Variants in OTOL1 observed in about 807,000 individuals in gnomAD.
OTOL1 encodes the protein otolin 1.
Under a neutral mutation model 25.0 loss-of-function variants are expected in OTOL1, and 31 were observed. The ratio of observed to expected loss-of-function variants is 1.24; its 90% CI spans 0.93 to 1.67. The LOEUF is 1.67. OTOL1 is among the 40% of genes most tolerant of loss of function. OTOL1 has a pLI of 0.00. For synonymous variants in OTOL1, 225 were observed against 210.3 expected (o/e 1.07, Z -0.61); for missense variants, 654 against 587.7 (o/e 1.11, Z -1.17).
intron 2 of OTOL1, among the ~76,000 whole-genome samples, chr3:161,501,119 T>C (rs1191818619): frequency 6.6e-6 from 1 of 152,222 alleles, no homozygotes; most frequent in Non-Finnish European, 1.5e-5. Context: ...AAAAATATCT[T>C]CCCTACTTTT....
At chr3:161,497,240 G>A (rs1718856991) in intron 1 of OTOL1, 69 bp downstream of exon 1, 3 of 1,521,634 alleles carry the variant, frequency 2.0e-6, no homozygotes, top group Admixed American at 2.2e-5. Flanking sequence ...AGGTTGTCGG[G>A]TGAAATTGCC....
Position 161,499,215 on chromosome 3 carries a change from G to A in OTOL1, c.409G>A (p.Gly137Arg). The stretch of plus-strand genomic sequence containing the variant: ...AAATTTGGGGATCCCAGGGCCACCA[G>A]GAGTTGTTGGGCCCCAAGGCCCTAG... ...AGNLGIPGPP[G>R]VVGPQGPRGY... The change falls in exon 2 of 4, where the codon GGA becomes AGA. Residue 137 changes from glycine (G) to arginine (R), a missense_variant. Transcript: ENST00000327928. 6.2e-7 allele frequency: 1 copy of A among 1,611,642 alleles called. No homozygotes were observed. The highest frequency in any genetic ancestry group is 8.5e-7 in the Non-Finnish European group (1 of 1,178,986).
Position 161,503,634 on chromosome 3 carries a change from GTCACT to G in OTOL1, c.1127_1131del (p.Val376GlyfsTer4). 4 of 1,613,804 alleles carry G rather than the reference GTCACT, an allele frequency of 2.5e-6. No homozygotes were observed. The East Asian group carries it at 8.9e-5, about 36-fold the overall frequency. On this transcript the variant is annotated frameshift_variant, in exon 4 of 4. Coordinates refer to ENST00000327928, the MANE Select transcript of OTOL1 (RefSeq NM_001080440.1). LOFTEE classifies it high-confidence loss of function. The stretch of plus-strand genomic sequence containing the variant: ...TAATGACCAAGGGAATTACAGTCCT[GTCACT>G]GGGAAGTTTAACTGCTCTATTCCTG...
chr3:161,503,443 A>C lies in OTOL1; in HGVS notation c.935A>C (p.Asp312Ala). 1 of 1,613,584 alleles carries C rather than the reference A, an allele frequency of 6.2e-7. No individual in the cohort carries two copies. Among genetic ancestry groups the C allele is most frequent in the Non-Finnish European group, 8.5e-7 (1 of 1,179,700 alleles). Residue 312 changes from aspartate (D) to alanine (A), a missense_variant, in exon 4 of 4, where the codon GAC (aspartate) becomes GCC (alanine). By Grantham distance (126) the Asp-to-Ala change is moderately radical (BLOSUM62 -2). Coordinates refer to ENST00000327928, the MANE Select transcript of OTOL1 (RefSeq NM_001080440.1). ...CTGGGACCTACTGGGCCGAAGGGTG[A>C]CATTGGCAACAAAGGGGTCCGAGGC... Reference protein sequence around the residue: ...GLLGPTGPKGDIGNKGVRGPT... With the variant: ...GLLGPTGPKGAIGNKGVRGPT...
chr3:161,497,249 C>T (rs1718857234), intron 1 of OTOL1, 78 bp downstream of exon 1: 1 of 1,496,398 alleles, frequency 6.7e-7, no homozygotes, highest in Non-Finnish European at 9.0e-7. Context: ...GGTGAAATTG[C>T]CCCAGGAGTT....
intron 1 of OTOL1, among the ~76,000 whole-genome samples, chr3:161,498,373 G>A (rs1021600554): frequency 1.3e-5 from 2 of 152,072 alleles, no homozygotes; most frequent in Non-Finnish European, 2.9e-5. Context: ...ATTCCAAGGT[G>A]TGCCAAGTTA....
At position 161,496,850 on chromosome 3, in the gene OTOL1, G is replaced by A. The variant is rs1718843204; in HGVS notation, c.43G>A (p.Ala15Thr). The A allele has an allele frequency of 3.1e-6, 5 of 1,599,982 alleles. No individual in the cohort carries two copies. Among genetic ancestry groups the A allele is most frequent in the Non-Finnish European group, 4.3e-6 (5 of 1,174,796 alleles). ...SWLCAILIILAIAGMNTIAKT... is the reference protein window; with the variant it reads ...SWLCAILIILTIAGMNTIAKT... The stretch of plus-strand genomic sequence containing the variant: ...GCTTTGTGCTATTTTAATTATTTTG[G>A]CTATTGCTGGTATGAACACAATAGC... The change falls in exon 1 of 4, where the codon GCT becomes ACT. Residue 15 changes from alanine to threonine, a missense_variant. Ala to Thr is a moderately conservative substitution (Grantham distance 58). Coordinates refer to ENST00000327928, the MANE Select transcript of OTOL1 (RefSeq NM_001080440.1).
chr3:161,503,200 A>G lies in OTOL1; in HGVS notation c.692A>G (p.Glu231Gly). Residue 231 changes from glutamate (E) to glycine (G), a missense_variant, in exon 4 of 4, where the codon GAG becomes GGG. By Grantham distance (98) the Glu-to-Gly change is moderately conservative. Transcript: ENST00000327928. ...CCTGGCGCCAAGGGAGAGAAGGGGG[A>G]GATGGGGGAGAAGGGGGAGATGGGG... Reference protein sequence around the residue: ...GGPGAKGEKGEMGEKGEMGDK... With the variant: ...GGPGAKGEKGGMGEKGEMGDK... The G allele has an allele frequency of 2.3e-6, 2 of 861,580 alleles. No individual in the cohort carries two copies. The highest frequency in any genetic ancestry group is 3.0e-6 in the Non-Finnish European group (2 of 674,326). 53.4% of individuals were successfully genotyped at this position (861,580 alleles called of 1,614,324 possible).
chr3:161,498,221 G>A (rs1236018230), intron 1 of OTOL1, among the ~76,000 whole-genome samples: 1 of 152,084 alleles, frequency 6.6e-6, no homozygotes, highest in Non-Finnish European at 1.5e-5. Context: ...CCAAGGGCAT[G>A]GTCAAGTAGA....
intron 2 of OTOL1, among the ~76,000 whole-genome samples, chr3:161,499,896 G>A (rs908937781): frequency 6.6e-6 from 1 of 152,122 alleles, no homozygotes; most frequent in African/African-American, 2.4e-5. Context: ...AAGAAGATTT[G>A]TAGTTATGAG....
chr3:161,503,821 G>C lies in OTOL1; in HGVS notation c.1313G>C (p.Gly438Ala), dbSNP rs772696212. 6.2e-7 allele frequency: 1 copy of C among 1,613,950 alleles called. No homozygotes were observed. Among genetic ancestry groups the C allele is most frequent in the East Asian group, 2.2e-5 (1 of 44,860 alleles). ...SLLVILKLSA[G>A]DQVWLEVSKD... ...CTCGTCATCTTGAAATTAAGTGCAG[G>C]AGACCAAGTCTGGCTTGAGGTGTCA... Residue 438 changes from glycine (G) to alanine (A), a missense_variant, in exon 4 of 4, where the codon GGA becomes GCA. Transcript: ENST00000327928.
At chr3:161,501,546 T>A (rs991528421) in intron 2 of OTOL1, among the ~76,000 whole-genome samples, 54 of 69,718 alleles carry the variant, frequency 7.7e-4, no homozygotes, top group African/African-American at 3.0e-3. Flanking sequence ...TAAAGAACAG[T>A]TTTTTTTCCC....
intron 1 of OTOL1, 108 bp from the exon 2 acceptor site, chr3:161,499,063 G>A: frequency 3.6e-6 from 3 of 838,834 alleles, no homozygotes; most frequent in Non-Finnish European, 3.9e-6. Context: ...TTTACCATTA[G>A]GTCATTGATA....
Position 161,503,512 on chromosome 3 carries a change from G to A in OTOL1, c.1004G>A (p.Gly335Asp), listed in dbSNP as rs919646541. The change falls in exon 4 of 4, where the codon GGT becomes GAT. Residue 335 changes from glycine to aspartate, a missense_variant. Gly to Asp is a moderately conservative substitution (Grantham distance 94, BLOSUM62 -1). Transcript: ENST00000327928. ...KGSRGFKGSK[G>D]ELARVPRSAF... is the part of the protein sequence containing the mutation. ...TCTCGGGGCTTTAAAGGCTCCAAGG[G>A]TGAGTTGGCTAGAGTGCCCCGGTCG... 9 of 1,613,776 alleles carry A rather than the reference G, an allele frequency of 5.6e-6. No individual in the cohort carries two copies. Among genetic ancestry groups the A allele is most frequent in the Admixed American group, 3.3e-5 (2 of 60,014 alleles).
chr3:161,497,263 A>G, intron 1 of OTOL1, 92 bp downstream of exon 1: 3 of 1,439,840 alleles, frequency 2.1e-6, no homozygotes, highest in Admixed American at 2.3e-5. Flanking sequence ...AGGAGTTTCT[A>G]CGTTGTTATG....
At chr3:161,499,405 AAT>A in intron 2 of OTOL1, 145 bp downstream of exon 2, 2 of 671,466 alleles carry the variant, frequency 3.0e-6, no homozygotes, top group Non-Finnish European at 5.1e-6. Context: ...ATTTGATATA[AAT>A]ATGTTAACTT....
intron 2 of OTOL1, among the ~76,000 whole-genome samples, chr3:161,500,927 T>C (rs1041074464): frequency 6.6e-6 from 1 of 152,064 alleles, no homozygotes; most frequent in Non-Finnish European, 1.5e-5. Context: ...TTCTCACCAC[T>C]TTTAATTTGG....
Position 161,496,928 on chromosome 3 carries a change from C to A in OTOL1, c.121C>A (p.Pro41Thr). ...FTKKSEEREM[P>T]KGLKPSSGPP... is the part of the protein sequence containing the mutation. Reference sequence around the variant, plus strand: ...GAAGAAATCTGAGGAAAGAGAGATGCCAAAGGGTCTAAAGCCATCCAGTGG... The same window carrying A: ...GAAGAAATCTGAGGAAAGAGAGATGACAAAGGGTCTAAAGCCATCCAGTGG... Residue 41 changes from proline (P) to threonine (T), a missense_variant, in exon 1 of 4, where the codon CCA becomes ACA. Transcript: ENST00000327928. 6.2e-7 allele frequency: 1 copy of A among 1,613,404 alleles called. No homozygotes were observed. The highest frequency in any genetic ancestry group is 8.5e-7 in the Non-Finnish European group (1 of 1,179,616).
intron 1 of OTOL1, among the ~76,000 whole-genome samples, chr3:161,498,752 G>T (rs1378851254): frequency 6.6e-6 from 1 of 152,122 alleles, no homozygotes; most frequent in African/African-American, 2.4e-5. Flanking sequence ...AGGGTGCTTG[G>T]TGTATAGGAT....
Sources: allele counts gnomAD v4.1 joint callset (sites outside exome capture counted in the v4.1 genomes callset), GRCh38; gene constraint gnomAD v4.1.1; transcripts MANE v1.5; gene names NCBI Gene and HGNC (gene_info 2026-07-23, HGNC 2026-07-21).